The following CCDC126 variants were observed in gnomAD, a reference collection of about 807,000 sequenced individuals.
The protein encoded by CCDC126 is coiled-coil domain containing 126.
Under a neutral mutation model 11.7 loss-of-function variants are expected in CCDC126, and 5 were observed. That is an observed-to-expected ratio of 0.43 (90% confidence interval 0.22 to 0.90). The LOEUF (loss-of-function observed/expected upper bound fraction) is 0.90. CCDC126 is among the 40% of genes least tolerant of loss of function. CCDC126 has a pLI of 0.27. For synonymous variants in CCDC126, 60 were observed against 61.9 expected (o/e 0.97, Z 0.14); for missense variants, 150 against 163.1 (o/e 0.92, Z 0.44).
intron 3 of CCDC126, among the ~76,000 whole-genome samples, chr7:23,620,187 C>T (rs1449813829): frequency 6.6e-6 from 1 of 152,202 alleles, no homozygotes; most frequent in Non-Finnish European, 1.5e-5. Flanking sequence ...AACTAGTTTA[C>T]AGTCCCACCA....
chr7:23,639,375 A>G (rs1446878331), intron 3 of CCDC126, among the ~76,000 whole-genome samples: 9 of 151,912 alleles, frequency 5.9e-5, no homozygotes, highest in Admixed American at 3.9e-4. Context: ...TTGTATTTTT[A>G]GTGGAGACGG....
chr7:23,602,117 C>T (rs766713786), intron 2 of CCDC126: 1 of 152,082 alleles, frequency 6.6e-6, no homozygotes, highest in African/African-American at 2.4e-5. Context: ...TGCTGTTTGT[C>T]AAGTAGCATA....
chr7:23,619,456 G>T (rs188556086), intron 3 of CCDC126: 2 of 404,312 alleles, frequency 4.9e-6, no homozygotes, highest in Non-Finnish European at 4.9e-6. Context: ...GGATCCCAGC[G>T]CATTAAAGGA....
chr7:23,608,483 T>G (rs1326455096), intron 2 of CCDC126, among the ~76,000 whole-genome samples: 3 of 152,162 alleles, frequency 2.0e-5, no homozygotes, highest in Non-Finnish European at 4.4e-5. Flanking sequence ...GATTTTTAAT[T>G]TTTAATTTTT....
chr7:23,602,782 A>C (rs1194303690), intron 2 of CCDC126, among the ~76,000 whole-genome samples: 1 of 151,974 alleles, frequency 6.6e-6, no homozygotes, highest in Non-Finnish European at 1.5e-5. Flanking sequence ...ATGTTCCAAG[A>C]CACATCACCA....
At chr7:23,602,119 A>G (rs1324460366) in intron 2 of CCDC126, 1 of 152,238 alleles carries the variant, frequency 6.6e-6, no homozygotes, top group African/African-American at 2.4e-5. Flanking sequence ...CTGTTTGTCA[A>G]GTAGCATAAT....
intron 3 of CCDC126, 135 bp downstream of exon 3, chr7:23,611,688 A>G: frequency 1.5e-6 from 1 of 655,308 alleles, no homozygotes; most frequent in Non-Finnish European, 2.7e-6. Flanking sequence ...AAAATTTCAA[A>G]TGTACTGAAA....
intron 3 of CCDC126, among the ~76,000 whole-genome samples, chr7:23,629,670 A>G (rs145016965): frequency 6.6e-6 from 1 of 152,348 alleles, no homozygotes; most frequent in East Asian, 1.9e-4. Flanking sequence ...GAAGTGAAAA[A>G]TACAATTAAA....
chr7:23,611,387 T>A lies in CCDC126; in HGVS notation c.72T>A (p.Ile24=), dbSNP rs746401632. The A allele has an allele frequency of 6.2e-7, 1 of 1,613,960 alleles. No homozygotes were observed. Among genetic ancestry groups the A allele is most frequent in the South Asian group, 1.1e-5 (1 of 91,072 alleles). Residue 24 remains isoleucine, a synonymous_variant, in exon 3 of 4, where the codon ATT becomes ATA. Coordinates refer to ENST00000307471, the MANE Select transcript of CCDC126 (RefSeq NM_138771.4). ...LSLLLLVFGL[I]WGLMLLHYTF... Reference sequence around the variant, plus strand: ...TACTGTTGCTTGTATTTGGACTCATTTGGGGATTGATGTTACTGCACTATA... The same window carrying A: ...TACTGTTGCTTGTATTTGGACTCATATGGGGATTGATGTTACTGCACTATA...
At chr7:23,634,401 G>A (rs553229397) in intron 3 of CCDC126, among the ~76,000 whole-genome samples, 4 of 152,358 alleles carry the variant, frequency 2.6e-5, no homozygotes, top group South Asian at 2.1e-4. Context: ...GCTGCAGTGA[G>A]CCATGATTGT....
intron 3 of CCDC126, among the ~76,000 whole-genome samples, chr7:23,632,308 T>C (rs1312737662): frequency 6.6e-6 from 1 of 152,186 alleles, no homozygotes; most frequent in African/African-American, 2.4e-5. Context: ...TTGGCCAGGC[T>C]GGTCTTGGAA....
intron 3 of CCDC126, among the ~76,000 whole-genome samples, chr7:23,635,084 T>G (rs1783186257): frequency 6.6e-6 from 1 of 152,238 alleles, no homozygotes; most frequent in African/African-American, 2.4e-5. Context: ...CTTAAACTAT[T>G]TGATCTTCTC....
chr7:23,612,448 T>G (rs1404236900), intron 3 of CCDC126, among the ~76,000 whole-genome samples: 1 of 127,646 alleles, frequency 7.8e-6, no homozygotes, highest in Non-Finnish European at 1.6e-5. Flanking sequence ...GAATTCTAGC[T>G]TGGGTGACAG....
chr7:23,628,242 CA>C (rs1351513317), intron 3 of CCDC126, among the ~76,000 whole-genome samples: 4 of 152,162 alleles, frequency 2.6e-5, no homozygotes, highest in African/African-American at 9.7e-5. Flanking sequence ...AAGCCTTGGA[CA>C]TTTTATATAA....
Position 23,611,168 on chromosome 7 carries a change from C to T in CCDC126, c.-145-3C>T. ...AATACTGTTTTTCTTCTTAATTTTA[C>T]AGAGTTAATAGAGTGGATACAACCT... On this transcript the variant is annotated splice_polypyrimidine_tract_variant and splice_region_variant and intron_variant, in intron 2 of 3. Transcript: ENST00000307471. 2 of 592,664 alleles carry T rather than the reference C, an allele frequency of 3.4e-6. No individual in the cohort carries two copies. Among genetic ancestry groups the T allele is most frequent in the South Asian group, 2.1e-5 (1 of 46,928 alleles). 36.7% of individuals were successfully genotyped at this position (592,664 alleles called of 1,614,324 possible).
chr7:23,639,192 C>CTTT (rs1245503837), intron 3 of CCDC126, among the ~76,000 whole-genome samples: 3 of 137,170 alleles, frequency 2.2e-5, no homozygotes, highest in South Asian at 2.3e-4. Flanking sequence ...TTTTTTATGT[C>CTTT]TTTTTTTTTT....
intron 2 of CCDC126, among the ~76,000 whole-genome samples, chr7:23,607,026 A>C (rs1463073304): frequency 6.6e-6 from 1 of 152,096 alleles, no homozygotes; most frequent in Non-Finnish European, 1.5e-5. Flanking sequence ...TTGAGCCCGG[A>C]AGGCCGAGGC....
At chr7:23,632,503 A>T (rs1783132818) in intron 3 of CCDC126, among the ~76,000 whole-genome samples, 1 of 152,222 alleles carries the variant, frequency 6.6e-6, no homozygotes, top group Admixed American at 6.5e-5. Flanking sequence ...AGTGGGTTTT[A>T]CTGTAAAAGG....
intron 3 of CCDC126, among the ~76,000 whole-genome samples, chr7:23,630,765 C>CA (rs1783096897): frequency 7.6e-6 from 1 of 131,274 alleles, no homozygotes; most frequent in Non-Finnish European, 1.6e-5. Flanking sequence ...GAATATTTAC[C>CA]AAAGTAGACC....
Sources: gnomAD v4.1 joint callset for allele counts (sites outside exome capture counted in the v4.1 genomes callset) on GRCh38, gnomAD v4.1.1 for gene constraint, MANE v1.5 for transcripts, NCBI Gene and HGNC (gene_info 2026-07-23, HGNC 2026-07-21) for gene names.